Variants in ASB2 observed in about 807,000 individuals in gnomAD.
ASB2 encodes the protein ankyrin repeat and SOCS box protein 2.
ASB2 carries 58 observed loss-of-function variants against 62.4 expected under a neutral mutation model. That is an observed-to-expected ratio of 0.93 (90% CI 0.75 to 1.16). The LOEUF is 1.16. ASB2 is among the 50% of genes most tolerant of loss of function. ASB2 has a pLI of 0.00. For missense variants in ASB2, 928 were observed against 887.9 expected, an observed-to-expected ratio of 1.05 and a Z score of -0.57; for synonymous variants, 386 against 385.3, an observed-to-expected ratio of 1.00 and a Z score of -0.02.
At chr14:93,948,884 G>A (rs557983580) in intron 6 of ASB2, among the ~76,000 whole-genome samples, 1 of 152,332 alleles carries the variant, frequency 6.6e-6, no homozygotes, top group Non-Finnish European at 1.5e-5. Context: ...AGGCGGCAGT[G>A]AGCCGGGATC....
At chr14:93,947,857 G>A (rs1230852319) in intron 6 of ASB2, among the ~76,000 whole-genome samples, 1 of 152,018 alleles carries the variant, frequency 6.6e-6, no homozygotes, top group African/African-American at 2.4e-5. Context: ...AGCTGGGCAT[G>A]GTGGTGGGCG....
In ASB2 at chr14:93,934,645, C is replaced by T. The variant is rs147209606; in HGVS notation, c.*11G>A. Reference sequence around the variant, plus strand: ...GTCTGAGGGGCTACTCCTCTCTCCCCGTGGCCCCAGTTACTGGGTGTTCTC... The same window carrying T: ...GTCTGAGGGGCTACTCCTCTCTCCCTGTGGCCCCAGTTACTGGGTGTTCTC... On this transcript the variant is annotated 3_prime_UTR_variant, in exon 10 of 10. Coordinates refer to ENST00000555019, the MANE Select transcript of ASB2 (RefSeq NM_001202429.2). The T allele has an allele frequency of 2.9e-4, 462 of 1,613,824 alleles. 3 individuals carry two copies. The African/African-American group carries it at 3.7e-3, about 13-fold the overall frequency.
chr14:93,959,581 C>A (rs1323915167), intron 2 of ASB2, among the ~76,000 whole-genome samples: 1 of 152,196 alleles, frequency 6.6e-6, no homozygotes, highest in Non-Finnish European at 1.5e-5. Flanking sequence ...AGCCTGGCCT[C>A]GGCAGGATGT....
intron 7 of ASB2, 97 bp from the exon 8 acceptor site, chr14:93,939,769 G>T (rs1453998342): frequency 9.6e-7 from 1 of 1,046,390 alleles, no homozygotes; most frequent in Non-Finnish European, 1.3e-6. Context: ...GCCAGGCTCG[G>T]CTGGTCGCCC....
chr14:93,955,111 AT>A (rs1247265592), intron 3 of ASB2: 1 of 456,576 alleles, frequency 2.2e-6, no homozygotes, highest in Non-Finnish European at 4.4e-6. Context: ...TCCCTACCTC[AT>A]CCTTGGAGAG....
intron 9 of ASB2, among the ~76,000 whole-genome samples, chr14:93,935,284 G>A (rs1302320202): frequency 6.6e-6 from 1 of 152,180 alleles, no homozygotes; most frequent in Non-Finnish European, 1.5e-5. Flanking sequence ...AGCTCGCCTC[G>A]AGCTCCAGAA....
chr14:93,958,775 A>T (rs748004792), intron 2 of ASB2, among the ~76,000 whole-genome samples: 2 of 152,184 alleles, frequency 1.3e-5, no homozygotes, highest in Non-Finnish European at 2.9e-5. Flanking sequence ...TGTCGTCTTG[A>T]TGAGGCCCTG....
intron 1 of ASB2, among the ~76,000 whole-genome samples, chr14:93,972,053 T>A (rs1006924758): frequency 6.8e-6 from 1 of 148,030 alleles, no homozygotes; most frequent in African/African-American, 2.5e-5. Context: ...TAATATATAT[T>A]ATATATATAA....
chr14:93,954,845 C>G (rs544347050), intron 3 of ASB2, among the ~76,000 whole-genome samples: 49 of 152,276 alleles, frequency 3.2e-4, no homozygotes, highest in Non-Finnish European at 5.6e-4. Flanking sequence ...CTCGGGGGCC[C>G]CCTCTTAACC....
intron 1 of ASB2, chr14:93,968,341 C>A (rs1483009697): frequency 1.3e-5 from 2 of 152,226 alleles, no homozygotes; most frequent in Non-Finnish European, 2.9e-5. Context: ...TCCTCTACAG[C>A]CCCTCTCCTT....
chr14:93,951,252 CA>C lies in ASB2; in HGVS notation c.635-9del. The C allele has an allele frequency of 1.9e-6, 3 of 1,582,948 alleles. No homozygotes were observed. The highest frequency in any genetic ancestry group is 2.6e-6 in the Non-Finnish European group (3 of 1,165,616). On this transcript the variant is annotated splice_polypyrimidine_tract_variant and intron_variant, in intron 5 of 9. Coordinates refer to ENST00000555019, the MANE Select transcript of ASB2 (RefSeq NM_001202429.2). ...CGTTCTTGCGCTCGCAGGCTGTGCTCAGGGGGAAGCAGGGATGGTCAGCAGG... is the reference window on the plus strand; with the variant it reads ...CGTTCTTGCGCTCGCAGGCTGTGCTCGGGGGAAGCAGGGATGGTCAGCAGG...
intron 2 of ASB2, among the ~76,000 whole-genome samples, chr14:93,958,194 C>G (rs982571021): frequency 1.3e-5 from 2 of 152,254 alleles, no homozygotes; most frequent in Non-Finnish European, 2.9e-5. Flanking sequence ...CTCCCATCCC[C>G]TGCTTCTGGC....
intron 2 of ASB2, among the ~76,000 whole-genome samples, chr14:93,963,876 A>C (rs1223042603): frequency 2.0e-5 from 3 of 152,212 alleles, no homozygotes; most frequent in Admixed American, 6.5e-5. Flanking sequence ...GACTGAGAGG[A>C]TGAGGTGGGG....
At chr14:93,938,859 C>A (rs961969841) in intron 8 of ASB2, among the ~76,000 whole-genome samples, 4 of 152,208 alleles carry the variant, frequency 2.6e-5, no homozygotes, top group African/African-American at 4.8e-5. Flanking sequence ...AGTGAGCTAA[C>A]CCCTAGTTCC....
chr14:93,942,653 G>A (rs1011611653), intron 7 of ASB2, among the ~76,000 whole-genome samples: 3 of 152,240 alleles, frequency 2.0e-5, no homozygotes, highest in Non-Finnish European at 4.4e-5. Flanking sequence ...GGAATGGGCA[G>A]AGAGCTTTGA....
chr14:93,934,872 G>A, intron 9 of ASB2, 80 bp from the exon 10 acceptor site: 3 of 1,222,594 alleles, frequency 2.5e-6, no homozygotes, highest in Non-Finnish European at 1.2e-6. Flanking sequence ...CCCAGCCTAT[G>A]GGAGGTGCCC....
intron 3 of ASB2, 134 bp from the exon 4 acceptor site, chr14:93,954,617 C>T: frequency 1.3e-6 from 1 of 755,302 alleles, no homozygotes; most frequent in Non-Finnish European, 2.2e-6. Flanking sequence ...ACTCAGCCCC[C>T]TGCAGCCCAG....
At chr14:93,963,571 C>A (rs965758925) in intron 2 of ASB2, among the ~76,000 whole-genome samples, 3 of 152,266 alleles carry the variant, frequency 2.0e-5, no homozygotes, top group East Asian at 3.9e-4. Context: ...TGCTAGGGAG[C>A]GCTTGAAACG....
At chr14:93,942,145 G>C in intron 7 of ASB2, 2 of 455,272 alleles carry the variant, frequency 4.4e-6, no homozygotes, top group Admixed American at 4.7e-5. Flanking sequence ...CAGAGGACAG[G>C]AGGACAAGGG....
Sources: gnomAD v4.1 joint callset for allele counts (sites outside exome capture counted in the v4.1 genomes callset) on GRCh38, gnomAD v4.1.1 for gene constraint, MANE v1.5 for transcripts, NCBI Gene and HGNC (gene_info 2026-07-23, HGNC 2026-07-21) for gene names.